CBX7: variants seen among roughly 807,000 people sequenced by gnomAD.
CBX7 encodes the protein chromobox 7.
CBX7 carries 14 observed loss-of-function variants against 31.4 expected under a neutral mutation model. The observed-to-expected ratio is 0.45, with a 90% CI of 0.29 to 0.70. The LOEUF (loss-of-function observed/expected upper bound fraction) is 0.70. Among genes scored for constraint, CBX7 ranks in the 30% least tolerant of loss-of-function variants. CBX7 has a pLI of 0.11. For synonymous variants in CBX7, 159 were observed against 152.6 expected (o/e 1.04, Z -0.31); for missense variants, 269 against 351.9 (o/e 0.76, Z 1.89).
intron 2 of CBX7, among the ~76,000 whole-genome samples, chr22:39,141,715 C>T (rs1777991020): frequency 6.6e-6 from 1 of 151,296 alleles, no homozygotes; most frequent in Non-Finnish European, 1.5e-5. Flanking sequence ...CACCATTGCA[C>T]TCCAGCCTGG....
chr22:39,151,309 G>T (rs543728864), intron 1 of CBX7, among the ~76,000 whole-genome samples: 4 of 151,816 alleles, frequency 2.6e-5, no homozygotes, highest in Non-Finnish European at 5.9e-5. Flanking sequence ...AGGAAGAAAA[G>T]ATGCTCCTGA....
rs34901545 is a variant in CBX7 at position 39,147,086 on chromosome 22, C to CTTTTTTT, written c.113+2696_113+2702dup. On this transcript the variant is annotated intron_variant, in intron 2 of 5. Coordinates refer to ENST00000216133, the MANE Select transcript of CBX7 (RefSeq NM_175709.5). Reference sequence around the variant, plus strand: ...GCCTAGGCCTGGCACAAAGTGTCCACTTTTTTTTTTTTTTTTTTTTTTTTT... The same window carrying CTTTTTTT: ...GCCTAGGCCTGGCACAAAGTGTCCACTTTTTTTTTTTTTTTTTTTTTTTTTTTTTTTT... 73 of 62,344 alleles carry CTTTTTTT rather than the reference C, an allele frequency of 1.2e-3. 2 individuals carry two copies. Among genetic ancestry groups the CTTTTTTT allele is most frequent in the African/African-American group, 4.5e-3 (59 of 13,038 alleles). 3.9% of individuals were successfully genotyped at this position (62,344 alleles called of 1,614,324 possible). A position where few individuals can be genotyped will look rare whatever the true frequency, so the allele number is the denominator to read the frequency against.
rs1017403412 is a variant in CBX7 at position 39,152,268 on chromosome 22, G to A, written c.69+108C>T. The A allele has an allele frequency of 3.5e-5, 21 of 607,962 alleles. No homozygotes were observed. Among genetic ancestry groups the A allele is most frequent in the Middle Eastern group, 6.2e-4 (1 of 1,612 alleles). 37.7% of individuals were successfully genotyped at this position (607,962 alleles called of 1,614,324 possible). A position where few individuals can be genotyped will look rare whatever the true frequency, so the allele number is the denominator to read the frequency against. On this transcript the variant is annotated intron_variant, in intron 1 of 5. Transcript: ENST00000216133. This position sits in a 1 kb window ranked among gnomAD's most constrained non-coding sequence, Gnocchi z 4.9. Reference sequence around the variant, plus strand: ...ACGGGCCCAGCAGCGCAGGGCTGCCGGGGCCCCCGCGCCCCGCTTTCCCCT... The same window carrying A: ...ACGGGCCCAGCAGCGCAGGGCTGCCAGGGCCCCCGCGCCCCGCTTTCCCCT...
chr22:39,152,489 G>C lies in CBX7; in HGVS notation c.-45C>G, dbSNP rs1398834270. 1.1e-6 allele frequency: 1 copy of C among 890,598 alleles called. No homozygotes were observed. The highest frequency in any genetic ancestry group is 1.4e-6 in the Non-Finnish European group (1 of 738,832). 55.2% of individuals were successfully genotyped at this position (890,598 alleles called of 1,614,324 possible). ...GGCCCGGGGCCGGGCCGGGCCGGGG[G>C]CGGAGCTGCGGGGCCGCGGCTGCGG... On this transcript the variant is annotated 5_prime_UTR_variant, in exon 1 of 6. Coordinates refer to ENST00000216133, the MANE Select transcript of CBX7 (RefSeq NM_175709.5). The surrounding 1 kb of genome is among the most constrained non-coding windows in gnomAD (Gnocchi z 4.9).
chr22:39,137,952 C>T (rs976773636), intron 4 of CBX7, among the ~76,000 whole-genome samples: 8 of 152,040 alleles, frequency 5.3e-5, no homozygotes, highest in Non-Finnish European at 1.2e-4. Context: ...GAGGCCAAGC[C>T]GGGCGGATCA....
At position 39,134,523 on chromosome 22, in the gene CBX7, C is replaced by T. The variant is rs768808588; in HGVS notation, c.476G>A (p.Arg159His). The T allele has an allele frequency of 3.1e-6, 5 of 1,611,778 alleles. No individual in the cohort carries two copies. The highest frequency in any genetic ancestry group is 2.2e-5 in the East Asian group (1 of 44,850). The change falls in exon 5 of 6, where the codon CGC becomes CAC. Residue 159 changes from arginine (R) to histidine (H), a missense_variant. Coordinates refer to ENST00000216133, the MANE Select transcript of CBX7 (RefSeq NM_175709.5). ...GCTGTGGCTCTCCAGGTTGGGCCCG[C>T]GGGGCGGGAACTTCTTGCGCGAGAG... is the stretch of plus-strand genomic sequence containing the variant. Reference protein sequence around the residue: ...LRLSRKKFPPRGPNLESHSHR... With the variant: ...LRLSRKKFPPHGPNLESHSHR...
chr22:39,151,532 G>T (rs946357380), intron 1 of CBX7, among the ~76,000 whole-genome samples: 1 of 152,182 alleles, frequency 6.6e-6, no homozygotes, highest in Non-Finnish European at 1.5e-5. Flanking sequence ...CCTCCCAGTC[G>T]GCCTGGAGCC....
chr22:39,133,811 C>A lies in CBX7; in HGVS notation c.*80G>T. ...ATTTTTTTAAATAAAATAATTACCC[C>A]GCCCCCAACCCATCCCTATCTCTGG... On this transcript the variant is annotated 3_prime_UTR_variant, in exon 6 of 6. Coordinates refer to ENST00000216133, the MANE Select transcript of CBX7 (RefSeq NM_175709.5). 1 of 1,305,268 alleles carries A rather than the reference C, an allele frequency of 7.7e-7. No individual in the cohort carries two copies. Among genetic ancestry groups the A allele is most frequent in the South Asian group, 1.7e-5 (1 of 60,242 alleles). 80.9% of individuals were successfully genotyped at this position (1,305,268 alleles called of 1,614,324 possible).
At chr22:39,134,862 C>A (rs1010907331) in intron 4 of CBX7, 110 bp from the exon 5 acceptor site, 14 of 696,844 alleles carry the variant, frequency 2.0e-5, no homozygotes, top group Admixed American at 1.5e-4. Flanking sequence ...CATGTCTACC[C>A]ACTCAACTCC....
chr22:39,149,037 T>C (rs376148548), intron 2 of CBX7: 4 of 151,716 alleles, frequency 2.6e-5, no homozygotes, highest in Non-Finnish European at 2.9e-5. Flanking sequence ...ACTAGCTCAT[T>C]CCCTCCCAAC....
In CBX7 at chr22:39,138,648, C is replaced by A; in HGVS notation, c.234G>T (p.Arg78=). The stretch of plus-strand genomic sequence containing the variant: ...GCAGGCTGGTTACCTGCAGCAGAAG[C>A]CGCTTGGGTTTCGGACCTCTCTTCC... The part of the protein sequence containing the change: ...GYRKRGPKPK[R]LLLQRLYSMD... Residue 78 remains arginine, a synonymous_variant, in exon 4 of 6, where the codon CGG becomes CGT. Transcript: ENST00000216133. 5.0e-6 allele frequency: 8 copies of A among 1,614,066 alleles called. No individual in the cohort carries two copies. The highest frequency in any genetic ancestry group is 5.9e-6 in the Non-Finnish European group (7 of 1,180,032).
At chr22:39,143,036 T>G (rs1930515403) in intron 2 of CBX7, among the ~76,000 whole-genome samples, 1 of 152,170 alleles carries the variant, frequency 6.6e-6, no homozygotes, top group Non-Finnish European at 1.5e-5. Context: ...GCCAGATCAC[T>G]TGAGGTCAGG....
chr22:39,144,189 C>CT (rs1022992209), intron 2 of CBX7, among the ~76,000 whole-genome samples: 36 of 152,234 alleles, frequency 2.4e-4, no homozygotes, highest in African/African-American at 8.4e-4. Flanking sequence ...CTTGCTTCCT[C>CT]TAACACTCTG....
intron 2 of CBX7, among the ~76,000 whole-genome samples, chr22:39,142,558 G>A (rs965452477): frequency 2.0e-5 from 3 of 152,230 alleles, no homozygotes; most frequent in African/African-American, 7.2e-5. Flanking sequence ...AGCGGCTCCA[G>A]AGCTCACCTA....
At chr22:39,150,106 G>C (rs1426106211) in intron 1 of CBX7, among the ~76,000 whole-genome samples, 1 of 152,220 alleles carries the variant, frequency 6.6e-6, no homozygotes, top group Non-Finnish European at 1.5e-5. Flanking sequence ...CCCAAGCCCA[G>C]GGCTCATGTC....
intron 3 of CBX7, chr22:39,141,113 C>T (rs1433226704): frequency 2.1e-6 from 1 of 465,662 alleles, no homozygotes; most frequent in Non-Finnish European, 3.9e-6. Context: ...CAGGGTGGCC[C>T]ATTTGACAGC....
chr22:39,134,779 G>A, intron 4 of CBX7, 27 bp from the exon 5 acceptor site: 1 of 1,400,136 alleles, frequency 7.1e-7, no homozygotes, highest in East Asian at 2.5e-5. Flanking sequence ...GGGCAGCGCG[G>A]GTCAGCCCCA....
At chr22:39,150,981 C>T (rs1930828887) in intron 1 of CBX7, among the ~76,000 whole-genome samples, 1 of 152,140 alleles carries the variant, frequency 6.6e-6, no homozygotes, top group South Asian at 2.1e-4. Flanking sequence ...CACTGTGTGC[C>T]GCCTCTGCAG....
chr22:39,142,793 C>A (rs1363576576), intron 2 of CBX7, among the ~76,000 whole-genome samples: 1 of 152,086 alleles, frequency 6.6e-6, no homozygotes, highest in Non-Finnish European at 1.5e-5. Flanking sequence ...ACATTTCTGT[C>A]CGTGACGGCC....
Sources: allele counts gnomAD v4.1 joint callset (sites outside exome capture counted in the v4.1 genomes callset), GRCh38; gene constraint gnomAD v4.1.1; non-coding constraint Gnocchi (gnomAD v3.1); transcripts MANE v1.5; gene names NCBI Gene and HGNC (gene_info 2026-07-23, HGNC 2026-07-21).